DTWD2: variants seen among roughly 807,000 people sequenced by gnomAD.
DTWD2 encodes DTW motif tRNA-uridine aminocarboxypropyltransferase 2, also known as tRNA-uridine aminocarboxypropyltransferase 2.
DTWD2 carries 39 observed loss-of-function variants against 31.8 expected under a neutral mutation model. That is an observed-to-expected ratio of 1.22 (90% CI 0.95 to 1.60). The LOEUF (loss-of-function observed/expected upper bound fraction) is 1.60, where lower values mean the gene tolerates loss of function less well. Among genes scored for constraint, DTWD2 ranks in the 40% most tolerant of loss-of-function variants. The pLI is 0.00. For missense variants in DTWD2, 515 were observed against 381.5 expected, an observed-to-expected ratio of 1.35 and a Z score of -2.92; for synonymous variants, 180 against 142.8, an observed-to-expected ratio of 1.26 and a Z score of -1.86.
rs114644717 is a variant in DTWD2, at chr5:118,988,006, C to G, written c.218+288G>C. The G allele has an allele frequency of 4.3e-3, 2,913 of 683,824 alleles. 72 individuals are homozygous for G. In the African/African-American group the frequency reaches 0.045, roughly 11 times the overall value. The allele number at this position is 683,824 out of a possible 1,614,324, so 42.4% of individuals were successfully genotyped here. The stretch of plus-strand genomic sequence containing the variant: ...CAAGTATTACTGTCATCACCCCTTA[C>G]TTCCCCTATTGGACGCTTAAGTTTC... On this transcript the variant is annotated intron_variant, in intron 1 of 5. Coordinates refer to ENST00000510708, the MANE Select transcript of DTWD2 (RefSeq NM_173666.4).
At chr5:118,981,734 G>T (rs1374406735) in intron 1 of DTWD2, among the ~76,000 whole-genome samples, 1 of 152,046 alleles carries the variant, frequency 6.6e-6, no homozygotes, top group Non-Finnish European at 1.5e-5. Flanking sequence ...ATAGAAATGA[G>T]AATCTCATCA....
intron 4 of DTWD2, among the ~76,000 whole-genome samples, chr5:118,908,156 T>C (rs891693357): frequency 2.0e-5 from 3 of 152,140 alleles, no homozygotes; most frequent in Admixed American, 1.3e-4. Context: ...TTCCCTGTTT[T>C]TCCTCCTAAG....
chr5:118,965,607 TG>T (rs1754825346), intron 1 of DTWD2, among the ~76,000 whole-genome samples: 1 of 152,226 alleles, frequency 6.6e-6, no homozygotes, highest in Non-Finnish European at 1.5e-5. Context: ...GGGATGCTGT[TG>T]GGGTATGGTG....
Position 118,836,866 on chromosome 5 carries a change from T to C in DTWD2, c.*4051A>G, listed in dbSNP as rs962443131. Among the ~76,000 whole-genome samples, 13 of 152,108 alleles carry C rather than the reference T, an allele frequency of 8.5e-5. No homozygotes were observed. Among genetic ancestry groups the C allele is most frequent in the Non-Finnish European group, 1.8e-4 (12 of 68,016 alleles). ...TCCCAGCCTCCAGACTTAGAAGAAATAAATTTCTGTTTTTTATAAGCTATC... is the reference window on the plus strand; with the variant it reads ...TCCCAGCCTCCAGACTTAGAAGAAACAAATTTCTGTTTTTTATAAGCTATC... On this transcript the variant is annotated 3_prime_UTR_variant, in exon 6 of 6. Coordinates refer to ENST00000510708, the MANE Select transcript of DTWD2 (RefSeq NM_173666.4).
intron 1 of DTWD2, among the ~76,000 whole-genome samples, chr5:118,957,674 A>G (rs1192491404): frequency 6.6e-6 from 1 of 152,204 alleles, no homozygotes; most frequent in Non-Finnish European, 1.5e-5. Flanking sequence ...AACACTCCCA[A>G]GAATAAATGT....
At chr5:118,968,575 C>A (rs905075908) in intron 1 of DTWD2, among the ~76,000 whole-genome samples, 2 of 152,158 alleles carry the variant, frequency 1.3e-5, no homozygotes, top group Non-Finnish European at 2.9e-5. Flanking sequence ...GAGTGTGCGA[C>A]CCCACCCAGG....
At chr5:118,916,167 C>T (rs1388964248) in intron 4 of DTWD2, among the ~76,000 whole-genome samples, 1 of 152,178 alleles carries the variant, frequency 6.6e-6, no homozygotes, top group Non-Finnish European at 1.5e-5. Flanking sequence ...AGTATGAAGA[C>T]TGTTGGATAA....
At chr5:118,876,514 G>T (rs944291959) in intron 4 of DTWD2, among the ~76,000 whole-genome samples, 1 of 151,998 alleles carries the variant, frequency 6.6e-6, no homozygotes, top group African/African-American at 2.4e-5. Context: ...AAAGAGATAT[G>T]ATTCAAATAA....
intron 5 of DTWD2, among the ~76,000 whole-genome samples, chr5:118,844,143 T>G (rs1751791279): frequency 6.6e-6 from 1 of 152,238 alleles, no homozygotes; most frequent in African/African-American, 2.4e-5. Context: ...TCATCTTATC[T>G]GATTTCAACT....
At chr5:118,842,792 A>G (rs1022080510) in intron 5 of DTWD2, among the ~76,000 whole-genome samples, 1 of 151,278 alleles carries the variant, frequency 6.6e-6, no homozygotes, top group African/African-American at 2.4e-5. Context: ...AAGAAAATAG[A>G]AAAAATTAGC....
At chr5:118,913,375 T>G (rs1382439402) in intron 4 of DTWD2, among the ~76,000 whole-genome samples, 1 of 147,682 alleles carries the variant, frequency 6.8e-6, no homozygotes, top group Non-Finnish European at 1.5e-5. Context: ...CAAGCTTCCA[T>G]AATCACATGA....
intron 4 of DTWD2, among the ~76,000 whole-genome samples, chr5:118,902,856 T>C (rs2149566505): frequency 6.6e-6 from 1 of 152,242 alleles, no homozygotes; most frequent in East Asian, 1.9e-4. Flanking sequence ...CCAGATGCTC[T>C]AAGCTTATGA....
intron 1 of DTWD2, among the ~76,000 whole-genome samples, chr5:118,948,618 G>T (rs1035238788): frequency 1.3e-5 from 2 of 152,184 alleles, no homozygotes; most frequent in African/African-American, 4.8e-5. Flanking sequence ...AATAATGTGG[G>T]GGCCAGCCTA....
At chr5:118,898,571 A>ATC (rs576175929) in intron 4 of DTWD2, among the ~76,000 whole-genome samples, 185 of 151,400 alleles carry the variant, frequency 1.2e-3, no homozygotes, top group African/African-American at 4.3e-3. Flanking sequence ...AGGCAAGAGA[A>ATC]TCGCTTGAAC....
chr5:118,926,442 C>A (rs142887415), intron 4 of DTWD2, among the ~76,000 whole-genome samples: 2 of 152,196 alleles, frequency 1.3e-5, no homozygotes, highest in East Asian at 3.9e-4. Context: ...GTACAGTGTA[C>A]ACTGCTCAGG....
chr5:118,950,154 A>G (rs1195448725), intron 1 of DTWD2, among the ~76,000 whole-genome samples: 1 of 127,582 alleles, frequency 7.8e-6, no homozygotes, highest in African/African-American at 3.5e-5. Context: ...AGCTTGTATT[A>G]TTGAGCCGAG....
chr5:118,859,436 G>A (rs1432323763), intron 4 of DTWD2, among the ~76,000 whole-genome samples: 1 of 152,044 alleles, frequency 6.6e-6, no homozygotes, highest in African/African-American at 2.4e-5. Context: ...TTTACATGTT[G>A]CATATAGTAT....
intron 3 of DTWD2, among the ~76,000 whole-genome samples, chr5:118,938,918 G>GTA (rs1754113744): frequency 6.8e-6 from 1 of 146,542 alleles, no homozygotes; most frequent in Non-Finnish European, 1.5e-5. Context: ...TAAACACTAA[G>GTA]TATATTTGCC....
chr5:118,963,912 G>A (rs780978584), intron 1 of DTWD2, among the ~76,000 whole-genome samples: 8 of 152,130 alleles, frequency 5.3e-5, no homozygotes, highest in Non-Finnish European at 1.0e-4. Context: ...GGTGAAAGAA[G>A]ATATAAGCAT....
Sources: allele counts gnomAD v4.1 joint callset (sites outside exome capture counted in the v4.1 genomes callset), GRCh38; gene constraint gnomAD v4.1.1; transcripts MANE v1.5; gene names NCBI Gene and HGNC (gene_info 2026-07-23, HGNC 2026-07-21).